Variants in DSC2 observed in about 807,000 individuals in gnomAD.
DSC2 encodes the protein desmocollin 2, also known as desmocollin-2.
A neutral mutation model predicts 87.6 loss-of-function variants in DSC2; 51 were observed. The observed-to-expected ratio is 0.58, with a 90% CI of 0.46 to 0.74. The LOEUF (loss-of-function observed/expected upper bound fraction) is 0.74, where lower values mean the gene tolerates loss of function less well. Among genes scored for constraint, DSC2 ranks in the 30% least tolerant of loss-of-function variants. DSC2 has a pLI of 0.00. For synonymous variants in DSC2, 383 were observed against 393.2 expected, an observed-to-expected ratio of 0.97 and a Z score of 0.31; for missense variants, 1,066 against 1,089.5, an observed-to-expected ratio of 0.98 and a Z score of 0.30.
chr18:31,089,594 C>A lies in DSC2; in HGVS notation c.475G>T (p.Val159Phe). The A allele has an allele frequency of 1.2e-6, 2 of 1,613,272 alleles. No homozygotes were observed. The highest frequency in any genetic ancestry group is 1.7e-4 in the Middle Eastern group (1 of 6,056). ...TAGTTTTGGGCCGTGTCAGATTGAA[C>A]CTAGAAAGTAGATATTATATACATG... is the stretch of plus-strand genomic sequence containing the variant. ...LGPFPLFLQQVQSDTAQNYTI... is the reference protein window; with the variant it reads ...LGPFPLFLQQFQSDTAQNYTI... Residue 159 changes from valine (V) to phenylalanine (F), a missense_variant and splice_region_variant, in exon 5 of 16, where the codon GTT (valine) becomes TTT (phenylalanine). By Grantham distance (50) the Val-to-Phe change is conservative. Transcript: ENST00000280904.
Position 31,060,601 on chromosome 18 carries a change from G to A in DSC2, c.*7414C>T, listed in dbSNP as rs1272436992. On this transcript the variant is annotated 3_prime_UTR_variant, in exon 16 of 16. Transcript: ENST00000280904. Reference sequence around the variant, plus strand: ...TTCTGGACAGTCACTTGTTCCACCTGCTGTTGACCTTTCTAGTTCTATTTA... The same window carrying A: ...TTCTGGACAGTCACTTGTTCCACCTACTGTTGACCTTTCTAGTTCTATTTA... 3 of 152,154 alleles carry A rather than the reference G, an allele frequency of 2.0e-5. No individual in the cohort carries two copies. The highest frequency in any genetic ancestry group is 2.0e-4 in the Admixed American group (3 of 15,266). 9.4% of individuals were successfully genotyped at this position (152,154 alleles called of 1,614,324 possible). A position where few individuals can be genotyped will look rare whatever the true frequency, so the allele number is the denominator to read the frequency against.
In DSC2 at chr18:31,070,761, C is replaced by A. The variant is rs780610767; in HGVS notation, c.2215G>T (p.Val739Leu). 6.2e-7 allele frequency: 1 copy of A among 1,613,800 alleles called. No individual in the cohort carries two copies. Among genetic ancestry groups the A allele is most frequent in the Non-Finnish European group, 8.5e-7 (1 of 1,179,880 alleles). The change falls in exon 14 of 16, where the codon GTA (valine) becomes TTA (leucine). Residue 739 changes from valine to leucine, a missense_variant. Transcript: ENST00000280904. ...TCTCCAGGAGCTTCTGTGTTTGATA[C>A]AATTAGGTTCTGCTGGGCTAAATCA... is the stretch of plus-strand genomic sequence containing the variant. Reference protein sequence around the residue: ...PDDLAQQNLIVSNTEAPGDDK... With the variant: ...PDDLAQQNLILSNTEAPGDDK...
In DSC2 at chr18:31,091,572, G is replaced by A. The variant is rs1166704701; in HGVS notation, c.355-425C>T. 5 of 459,028 alleles carry A rather than the reference G, an allele frequency of 1.1e-5. No individual in the cohort carries two copies. In the Admixed American group the frequency reaches 1.2e-4, roughly 11 times the overall value. The allele number at this position is 459,028 out of a possible 1,614,324, so 28.4% of individuals were successfully genotyped here. On this transcript the variant is annotated intron_variant, in intron 3 of 15. Transcript: ENST00000280904. ...CCAGGGAACCAACAGAGAGATCTGT[G>A]TCAGAATGAGGAGAGAAACACGGTG... is the stretch of plus-strand genomic sequence containing the variant.
chr18:31,079,782 G>A (rs996416360), intron 11 of DSC2, 65 bp downstream of exon 11: 2 of 1,587,840 alleles, frequency 1.3e-6, no homozygotes, highest in East Asian at 4.5e-5. Context: ...GTATACTGTT[G>A]GCTTAAACAC....
intron 1 of DSC2, among the ~76,000 whole-genome samples, chr18:31,099,604 C>CG (rs956813189): frequency 4.0e-5 from 6 of 151,172 alleles, no homozygotes; most frequent in African/African-American, 9.7e-5. Context: ...AAAAAAAAGG[C>CG]GGGGGGGAGT....
intron 4 of DSC2, among the ~76,000 whole-genome samples, chr18:31,089,920 T>C (rs1483060513): frequency 6.6e-6 from 1 of 152,192 alleles, no homozygotes; most frequent in Non-Finnish European, 1.5e-5. Context: ...GGAAAATTAT[T>C]CTGTCGTCAA....
intron 1 of DSC2, chr18:31,101,692 C>A: frequency 1.7e-6 from 1 of 576,496 alleles, no homozygotes; most frequent in Non-Finnish European, 3.0e-6. Flanking sequence ...ACCGGAGACA[C>A]CTTCCCTTCC....
At chr18:31,085,620 A>T (rs1027797751) in intron 7 of DSC2, among the ~76,000 whole-genome samples, 5 of 151,990 alleles carry the variant, frequency 3.3e-5, no homozygotes, top group Non-Finnish European at 7.4e-5. Flanking sequence ...AACAATATGT[A>T]ATAATGTCAA....
intron 1 of DSC2, among the ~76,000 whole-genome samples, chr18:31,100,358 T>C (rs952235294): frequency 6.6e-6 from 1 of 152,252 alleles, no homozygotes; most frequent in Non-Finnish European, 1.5e-5. Flanking sequence ...TGCCACGCAT[T>C]GCCAGCGTCT....
intron 1 of DSC2, among the ~76,000 whole-genome samples, chr18:31,099,876 C>T (rs1267629966): frequency 6.6e-6 from 1 of 152,032 alleles, no homozygotes; most frequent in East Asian, 1.9e-4. Flanking sequence ...AGATATTTCT[C>T]CCCCCTTTTT....
intron 9 of DSC2, among the ~76,000 whole-genome samples, chr18:31,081,445 G>A (rs1214685029): frequency 6.6e-6 from 1 of 152,136 alleles, no homozygotes; most frequent in African/African-American, 2.4e-5. Flanking sequence ...AAGGATTAGG[G>A]GAGGGGTTAG....
rs2144783430 is a variant in DSC2 at position 31,068,944 on chromosome 18, T to C, written c.2458A>G (p.Arg820Gly). ...CTGTGCCACTCCGAGTAAGTGTATC[T>C]GCAGTTGTCCACCTCCGTGTGTCCT... ...RGGHTEVDNC[R>G]YTYSEWHSFT... The change falls in exon 15 of 16, where the codon AGA becomes GGA. Residue 820 changes from arginine (R) to glycine (G), a missense_variant. Transcript: ENST00000280904. The C allele has an allele frequency of 6.2e-7, 1 of 1,614,108 alleles. No homozygotes were observed. Among genetic ancestry groups the C allele is most frequent in the South Asian group, 1.1e-5 (1 of 91,070 alleles).
Position 31,065,809 on chromosome 18 carries a change from G to A in DSC2, c.*2206C>T, listed in dbSNP as rs554195423. 2.0e-5 allele frequency: 3 copies of A among 152,284 alleles called. No individual in the cohort carries two copies. The highest frequency in any genetic ancestry group is 2.1e-4 in the South Asian group (1 of 4,824). The allele number at this position is 152,284 out of a possible 1,614,324, so 9.4% of individuals were successfully genotyped here. Reference sequence around the variant, plus strand: ...TCAAACCAGGCAATCCCATACGAATGCCTCAGCAATCTTTGCACTACGTAT... The same window carrying A: ...TCAAACCAGGCAATCCCATACGAATACCTCAGCAATCTTTGCACTACGTAT... On this transcript the variant is annotated 3_prime_UTR_variant, in exon 16 of 16. Coordinates refer to ENST00000280904, the MANE Select transcript of DSC2 (RefSeq NM_024422.6).
At chr18:31,096,310 C>T (rs1029222627) in intron 1 of DSC2, among the ~76,000 whole-genome samples, 1 of 152,142 alleles carries the variant, frequency 6.6e-6, no homozygotes, top group African/African-American at 2.4e-5. Context: ...TAGGCCAAAA[C>T]TGAAGATAAA....
At chr18:31,068,465 C>A (rs1986706721) in intron 15 of DSC2, 2 of 1,044,984 alleles carry the variant, frequency 1.9e-6, no homozygotes, top group Admixed American at 2.0e-5. Context: ...TTTACATAGT[C>A]ACTACTTTCC....
chr18:31,102,013 G>T lies in DSC2; in HGVS notation c.-42C>A. ...AGGTCGCGGGCCGAGCGTCGGGCCGGGGTAGGAGGGCTCCGCGGGGCGAGG... is the reference window on the plus strand; with the variant it reads ...AGGTCGCGGGCCGAGCGTCGGGCCGTGGTAGGAGGGCTCCGCGGGGCGAGG... On this transcript the variant is annotated 5_prime_UTR_variant, in exon 1 of 16. Coordinates refer to ENST00000280904, the MANE Select transcript of DSC2 (RefSeq NM_024422.6). 1 of 1,414,704 alleles carries T rather than the reference G, an allele frequency of 7.1e-7. No individual in the cohort carries two copies. The allele number at this position is 1,414,704 out of a possible 1,614,324, so 87.6% of individuals were successfully genotyped here.
At chr18:31,080,455 G>A in intron 9 of DSC2, 103 bp from the exon 10 acceptor site, 2 of 1,377,112 alleles carry the variant, frequency 1.5e-6, no homozygotes, top group Non-Finnish European at 2.0e-6. Flanking sequence ...TAAGTGTCAT[G>A]TTGGGAATAA....
rs1317071987 is a variant in DSC2, at chr18:31,067,044, C to T, written c.*971G>A. On this transcript the variant is annotated 3_prime_UTR_variant, in exon 16 of 16. Transcript: ENST00000280904. The stretch of plus-strand genomic sequence containing the variant: ...TGGCATAGTTCTACAGTTTCAATGG[C>T]AAAATTAAAGGTTTTTTTTGTTGAA... 4 of 151,832 alleles carry T rather than the reference C, an allele frequency of 2.6e-5. No homozygotes were observed. Among genetic ancestry groups the T allele is most frequent in the Non-Finnish European group, 5.9e-5 (4 of 67,900 alleles). The allele number at this position is 151,832 out of a possible 1,614,324, so 9.4% of individuals were successfully genotyped here. A position where few individuals can be genotyped will look rare whatever the true frequency, so the allele number is the denominator to read the frequency against.
chr18:31,063,276 A>T lies in DSC2; in HGVS notation c.*4739T>A, dbSNP rs1441887296. On this transcript the variant is annotated 3_prime_UTR_variant, in exon 16 of 16. Coordinates refer to ENST00000280904, the MANE Select transcript of DSC2 (RefSeq NM_024422.6). ...AACCTGGGAGGCAGAGGTTGCAGTG[A>T]GCCATGATCATGCCACTGCACTCCA... is the stretch of plus-strand genomic sequence containing the variant. 1 of 150,946 alleles carries T rather than the reference A, an allele frequency of 6.6e-6. No homozygotes were observed. Among genetic ancestry groups the T allele is most frequent in the Non-Finnish European group, 1.5e-5 (1 of 67,960 alleles). The allele number at this position is 150,946 out of a possible 1,614,324, so 9.4% of individuals were successfully genotyped here. A position where few individuals can be genotyped will look rare whatever the true frequency, so the allele number is the denominator to read the frequency against.
Sources: allele counts gnomAD v4.1 joint callset (sites outside exome capture counted in the v4.1 genomes callset), GRCh38; gene constraint gnomAD v4.1.1; transcripts MANE v1.5; gene names NCBI Gene and HGNC (gene_info 2026-07-23, HGNC 2026-07-21).